RBPJ: variants seen among roughly 807,000 people sequenced by gnomAD.
RBPJ encodes the protein recombining binding protein suppressor of hairless.
In RBPJ, 9 loss-of-function variants were observed where a neutral mutation model predicts 67.8. That is an observed-to-expected ratio of 0.13 (90% CI 0.08 to 0.23). The LOEUF is 0.23. Among genes scored for constraint, RBPJ ranks in the 10% least tolerant of loss-of-function variants. The pLI is 1.00. For missense variants in RBPJ, 305 were observed against 595.6 expected, an observed-to-expected ratio of 0.51 and a Z score of 5.08; for synonymous variants, 198 against 203.3, an observed-to-expected ratio of 0.97 and a Z score of 0.22.
chr4:26,269,239 A>ATTATTTATTTATTTAT (rs372091669), intron 1 of RBPJ, among the ~76,000 whole-genome samples: 7 of 148,888 alleles, frequency 4.7e-5, no homozygotes, highest in African/African-American at 1.7e-4. Context: ...TTTATTTTTT[A>ATTATTTATTTATTTAT]TTATTTATTT....
chr4:26,402,434 C>A (rs1195375066), intron 2 of RBPJ, among the ~76,000 whole-genome samples: 1 of 152,182 alleles, frequency 6.6e-6, no homozygotes, highest in African/African-American at 2.4e-5. Context: ...CTTTTCCATA[C>A]CCTGGAAGGT....
chr4:26,362,513 A>G, intron 1 of RBPJ: 3 of 1,565,852 alleles, frequency 1.9e-6, no homozygotes, highest in Non-Finnish European at 1.7e-6. Context: ...TATGATCTCA[A>G]AACGAAAGGA....
rs1560337615 is a variant in RBPJ at position 26,415,456 on chromosome 4, T to TC, written c.156-19_156-18insC. ...TGATTTTTGCTTCTTGTTTTTTTTT[T>TC]TCCCCTATTATTCTTCAGGTTTTTT... is the stretch of plus-strand genomic sequence containing the variant. On this transcript the variant is annotated intron_variant, in intron 3 of 10. Coordinates refer to ENST00000355476, the MANE Select transcript of RBPJ (RefSeq NM_015874.6). 1.2e-5 allele frequency: 19 copies of TC among 1,552,220 alleles called. No homozygotes were observed. Among genetic ancestry groups the TC allele is most frequent in the African/African-American group, 1.4e-5 (1 of 71,672 alleles).
chr4:26,254,843 A>ATTTTTTT lies in RBPJ; in HGVS notation c.-167+91260_-167+91266dup. On this transcript the variant is annotated intron_variant, in intron 1 of 4. Coordinates refer to the RBPJ transcript ENST00000512351. Reference sequence around the variant, plus strand: ...CAGGTGCATGCCACCATGCCCAGCTATTTTTTTTTTTTTTTTTTTTTTTTT... The same window carrying ATTTTTTT: ...CAGGTGCATGCCACCATGCCCAGCTATTTTTTTTTTTTTTTTTTTTTTTTTTTTTTTT... Among the ~76,000 whole-genome samples the ATTTTTTT allele has an allele frequency of 2.0e-3, 33 of 16,548 alleles. 13 individuals are homozygous for ATTTTTTT. Among genetic ancestry groups the ATTTTTTT allele is most frequent in the Non-Finnish European group, 2.6e-3 (24 of 9,214 alleles). The allele number at this position is 16,548 out of a possible 152,430, so 10.9% of individuals were successfully genotyped here.
intron 1 of RBPJ, among the ~76,000 whole-genome samples, chr4:26,375,288 C>CAA (rs561305108): frequency 8.7e-5 from 9 of 102,866 alleles, no homozygotes; most frequent in African/African-American, 1.5e-4. Context: ...GACCCTGTCT[C>CAA]AAAAAAAAAA....
the RBPJ span, among the ~76,000 whole-genome samples, chr4:26,125,347 G>A: frequency 6.6e-6 from 1 of 152,180 alleles, no homozygotes. Flanking sequence ...CAGCCTGGGA[G>A]TGCAAAGGTT....
intron 1 of RBPJ, among the ~76,000 whole-genome samples, chr4:26,270,831 AG>A (rs1720893901): frequency 6.6e-6 from 1 of 152,066 alleles, no homozygotes; most frequent in Admixed American, 6.6e-5. Context: ...TTACATGCAC[AG>A]GGGTGTCACA....
At chr4:26,249,552 T>A (rs1316268608) in intron 1 of RBPJ, among the ~76,000 whole-genome samples, 1 of 151,912 alleles carries the variant, frequency 6.6e-6, no homozygotes, top group East Asian at 2.0e-4. Flanking sequence ...TCCCAGCTAC[T>A]TGGGAGGCTG....
At chr4:26,386,261 C>T in intron 1 of RBPJ, 92 bp from the exon 2 acceptor site, 2 of 838,724 alleles carry the variant, frequency 2.4e-6, no homozygotes, top group Non-Finnish European at 3.8e-6. Flanking sequence ...AAGTATAAGT[C>T]ATAAAAGAGA....
At chr4:26,295,379 T>C (rs1391250351) in intron 1 of RBPJ, among the ~76,000 whole-genome samples, 2 of 152,066 alleles carry the variant, frequency 1.3e-5, no homozygotes, top group African/African-American at 2.4e-5. Context: ...TTTTATCTCA[T>C]TGTAAGTAGT....
intron 7 of RBPJ, 93 bp from the exon 8 acceptor site, chr4:26,428,627 C>T: frequency 1.2e-6 from 1 of 841,174 alleles, no homozygotes; most frequent in Non-Finnish European, 2.0e-6. Context: ...TATTATTATG[C>T]AGTATATAGC....
chr4:26,256,307 T>G (rs1171643354), intron 1 of RBPJ, among the ~76,000 whole-genome samples: 1 of 151,150 alleles, frequency 6.6e-6, no homozygotes, highest in Non-Finnish European at 1.5e-5. Context: ...AAAAAAAAGA[T>G]TTTTGACTAG....
intron 1 of RBPJ, among the ~76,000 whole-genome samples, chr4:26,381,718 C>T (rs1730350143): frequency 6.6e-6 from 1 of 152,024 alleles, no homozygotes; most frequent in East Asian, 1.9e-4. Flanking sequence ...GAAAAGTATA[C>T]AGAACATAGA....
the RBPJ span, among the ~76,000 whole-genome samples, chr4:26,106,636 T>C: frequency 2.6e-5 from 4 of 152,232 alleles, no homozygotes; most frequent in East Asian, 1.9e-4. Context: ...TGGGAGATTC[T>C]GTGGCTGCCT....
intron 1 of RBPJ, among the ~76,000 whole-genome samples, chr4:26,213,617 C>T (rs893646938): frequency 1.3e-5 from 2 of 152,112 alleles, no homozygotes; most frequent in South Asian, 2.1e-4. Context: ...GGGCTAGATC[C>T]AGCATGGCCC....
At chr4:26,387,513 A>G (rs899962542) in intron 2 of RBPJ, among the ~76,000 whole-genome samples, 5 of 152,206 alleles carry the variant, frequency 3.3e-5, no homozygotes, top group Admixed American at 6.5e-5. Flanking sequence ...AAACCTGGAC[A>G]AAATATGTAA....
At chr4:26,293,518 C>T (rs1577396914) in intron 1 of RBPJ, among the ~76,000 whole-genome samples, 1 of 150,212 alleles carries the variant, frequency 6.7e-6, no homozygotes, top group South Asian at 2.1e-4. Context: ...TGCCTAAAGT[C>T]TCAGCTACTT....
chr4:26,351,950 C>T (rs980258624), intron 1 of RBPJ, among the ~76,000 whole-genome samples: 4 of 152,004 alleles, frequency 2.6e-5, no homozygotes, highest in East Asian at 1.9e-4. Context: ...TGCTTTGGGT[C>T]GGGGGGAGGT....
At chr4:26,282,252 A>AC (rs1280482350) in intron 1 of RBPJ, among the ~76,000 whole-genome samples, 2 of 152,020 alleles carry the variant, frequency 1.3e-5, no homozygotes, top group African/African-American at 2.4e-5. Context: ...TGAAAAAAAA[A>AC]TGTCCATTTC....
Sources: gnomAD v4.1 joint callset for allele counts (sites outside exome capture counted in the v4.1 genomes callset) on GRCh38, gnomAD v4.1.1 for gene constraint, MANE v1.5 for transcripts, NCBI Gene and HGNC (gene_info 2026-07-23, HGNC 2026-07-21) for gene names.